ANGPTL5: variants seen among roughly 807,000 people sequenced by gnomAD.
The protein encoded by ANGPTL5 is angiopoietin like 5.
ANGPTL5 carries 34 observed loss-of-function variants against 39.4 expected under a neutral mutation model. That is an observed-to-expected ratio of 0.86 (90% CI 0.66 to 1.15). ANGPTL5 has a LOEUF of 1.15. ANGPTL5 is among the 50% of genes most tolerant of loss of function. The pLI is 0.00. For missense variants in ANGPTL5, 467 were observed against 457.5 expected, an observed-to-expected ratio of 1.02 and a Z score of -0.19; for synonymous variants, 146 against 152.1, an observed-to-expected ratio of 0.96 and a Z score of 0.29.
intron 8 of ANGPTL5, among the ~76,000 whole-genome samples, chr11:101,894,557 A>G (rs556818405): frequency 1.3e-5 from 2 of 152,298 alleles, no homozygotes; most frequent in Admixed American, 1.3e-4. Flanking sequence ...ACAGTCTGTC[A>G]CTTCTAAATG....
At position 101,900,570 on chromosome 11, in the gene ANGPTL5, G is replaced by A; in HGVS notation, c.541-20C>T. ...CATTACCTAAAATAAGCACAGAGAA[G>A]ACCAAAATAATACACTATTATTTTC... On this transcript the variant is annotated intron_variant, in intron 6 of 8. Transcript: ENST00000334289. 2 of 1,605,410 alleles carry A rather than the reference G, an allele frequency of 1.2e-6. No individual in the cohort carries two copies. Among genetic ancestry groups the A allele is most frequent in the Non-Finnish European group, 1.7e-6 (2 of 1,172,826 alleles).
rs1460826202 is a variant in ANGPTL5 at position 101,900,560 on chromosome 11, G to A, written c.541-10C>T. 1.6e-5 allele frequency: 25 copies of A among 1,607,984 alleles called. No individual in the cohort carries two copies. The highest frequency in any genetic ancestry group is 2.1e-5 in the Non-Finnish European group (25 of 1,175,148). ...CCATGTCACACATTACCTAAAATAA[G>A]CACAGAGAAGACCAAAATAATACAC... On this transcript the variant is annotated splice_polypyrimidine_tract_variant and intron_variant, in intron 6 of 8. Transcript: ENST00000334289.
chr11:101,905,645 T>C, intron 4 of ANGPTL5, 99 bp downstream of exon 4: 1 of 819,334 alleles, frequency 1.2e-6, no homozygotes, highest in Non-Finnish European at 2.0e-6. Context: ...GCTAAATAGA[T>C]GTCTGAACAT....
In ANGPTL5 at chr11:101,891,112, T is replaced by C; in HGVS notation, c.*167A>G. 1.7e-6 allele frequency: 1 copy of C among 575,786 alleles called. No homozygotes were observed. The highest frequency in any genetic ancestry group is 2.9e-6 in the Non-Finnish European group (1 of 340,064). 35.7% of individuals were successfully genotyped at this position (575,786 alleles called of 1,614,324 possible). On this transcript the variant is annotated 3_prime_UTR_variant, in exon 9 of 9. Transcript: ENST00000334289. ...ACATACAATAAGCCATGTTTTCTTT[T>C]ATAGAATACTACAAAATTGAAGTTT...
At chr11:101,911,356 T>G (rs961596323) in intron 1 of ANGPTL5, among the ~76,000 whole-genome samples, 21 of 151,984 alleles carry the variant, frequency 1.4e-4, no homozygotes, top group Admixed American at 8.5e-4. Context: ...ACTCCTGACT[T>G]CAGGTGATCC....
intron 5 of ANGPTL5, among the ~76,000 whole-genome samples, chr11:101,903,059 A>G (rs1939934469): frequency 1.3e-5 from 2 of 152,294 alleles, no homozygotes; most frequent in African/African-American, 4.8e-5. Context: ...ATTTAGGTTT[A>G]TCTTAGAGAA....
chr11:101,912,602 G>A (rs1428416480), intron 1 of ANGPTL5, among the ~76,000 whole-genome samples: 3 of 152,096 alleles, frequency 2.0e-5, no homozygotes, highest in African/African-American at 7.2e-5. Flanking sequence ...TAAAAAAACT[G>A]GCAACATTGT....
intron 1 of ANGPTL5, among the ~76,000 whole-genome samples, chr11:101,910,565 T>C (rs1940075584): frequency 6.6e-6 from 1 of 152,106 alleles, no homozygotes; most frequent in Non-Finnish European, 1.5e-5. Context: ...GCATGTCTAA[T>C]AGACATCTCA....
intron 1 of ANGPTL5, among the ~76,000 whole-genome samples, chr11:101,910,009 A>C (rs1362039582): frequency 1.3e-5 from 2 of 152,226 alleles, no homozygotes; most frequent in African/African-American, 4.8e-5. Context: ...CTTGCTGCTC[A>C]TGCTGCTGGG....
At chr11:101,895,816 T>G (rs1260557341) in intron 7 of ANGPTL5, among the ~76,000 whole-genome samples, 1 of 152,206 alleles carries the variant, frequency 6.6e-6, no homozygotes, top group Non-Finnish European at 1.5e-5. Context: ...ATCTCTGCTC[T>G]GAGATATATG....
intron 7 of ANGPTL5, among the ~76,000 whole-genome samples, chr11:101,900,166 C>T (rs575627651): frequency 9.2e-5 from 14 of 152,264 alleles, no homozygotes; most frequent in African/African-American, 3.4e-4. Context: ...CTGCTGGGTG[C>T]ATAATAGATA....
At chr11:101,907,042 T>C in intron 3 of ANGPTL5, 61 bp downstream of exon 3, 1 of 1,272,144 alleles carries the variant, frequency 7.9e-7, no homozygotes, top group South Asian at 1.4e-5. Context: ...TACTTTTCAG[T>C]GTCTACCCTA....
At chr11:101,896,527 C>T (rs960803372) in intron 7 of ANGPTL5, among the ~76,000 whole-genome samples, 2 of 152,106 alleles carry the variant, frequency 1.3e-5, no homozygotes, top group Non-Finnish European at 2.9e-5. Context: ...CCCTGACAGG[C>T]TCCTGTGTGT....
intron 1 of ANGPTL5, chr11:101,915,458 G>A (rs949156): frequency 3.2e-6 from 5 of 1,573,158 alleles, no homozygotes; most frequent in Non-Finnish European, 4.3e-6. Context: ...TGTTGAAAAC[G>A]GGGCCCATCT....
chr11:101,895,013 T>A lies in ANGPTL5; in HGVS notation c.713A>T (p.Asn238Ile), dbSNP rs542925216. The change falls in exon 8 of 9, where the codon AAT (asparagine) becomes ATT (isoleucine). Residue 238 changes from asparagine to isoleucine, a missense_variant. Transcript: ENST00000334289. ...AGCCACATACAGCATAAAACTGGTA[T>A]TTTTCTGATTTACTATATAAAAAAT... ...KKIFYIVNQK[N>I]TSFMLYVALE... 1 of 1,607,946 alleles carries A rather than the reference T, an allele frequency of 6.2e-7. No homozygotes were observed. The highest frequency in any genetic ancestry group is 1.1e-5 in the South Asian group (1 of 89,610).
chr11:101,911,617 T>A lies in ANGPTL5; in HGVS notation c.-92-3616A>T, dbSNP rs182042876. On this transcript the variant is annotated intron_variant, in intron 1 of 8. Coordinates refer to ENST00000334289, the MANE Select transcript of ANGPTL5 (RefSeq NM_178127.5). ...CTCTTTCAGTCCTGCTCCTGCCATG[T>A]AAGATGCCTGCTCCCACTTTTCCTT... Among the ~76,000 whole-genome samples, 844 of 152,310 alleles carry A rather than the reference T, an allele frequency of 5.5e-3. 1 individual carries two copies. The highest frequency in any genetic ancestry group is 8.2e-3 in the Non-Finnish European group (556 of 68,022).
At chr11:101,894,713 A>C (rs1939759892) in intron 8 of ANGPTL5, among the ~76,000 whole-genome samples, 166 bp downstream of exon 8, 1 of 152,238 alleles carries the variant, frequency 6.6e-6, no homozygotes, top group African/African-American at 2.4e-5. Context: ...CAATGATCAT[A>C]ACAAAGTTTC....
At chr11:101,898,709 C>CCTT (rs1411972229) in intron 7 of ANGPTL5, among the ~76,000 whole-genome samples, 14 of 152,180 alleles carry the variant, frequency 9.2e-5, no homozygotes, top group Non-Finnish European at 2.1e-4. Context: ...GAGAGGGCAT[C>CCTT]CTTGTCTTGT....
chr11:101,893,338 A>T (rs964326554), intron 8 of ANGPTL5, among the ~76,000 whole-genome samples: 3 of 152,160 alleles, frequency 2.0e-5, no homozygotes, highest in Admixed American at 1.3e-4. Context: ...ATTCAAATTC[A>T]TATCTCTGTT....
Sources: gnomAD v4.1 joint callset for allele counts (sites outside exome capture counted in the v4.1 genomes callset) on GRCh38, gnomAD v4.1.1 for gene constraint, MANE v1.5 for transcripts, NCBI Gene and HGNC (gene_info 2026-07-23, HGNC 2026-07-21) for gene names.